The following TIAM2 variants were observed in gnomAD, a reference collection of about 807,000 sequenced individuals.
TIAM2 encodes the protein TIAM Rac1 associated GEF 2.
A neutral mutation model predicts 152.9 loss-of-function variants in TIAM2; 80 were observed. The observed-to-expected ratio is 0.52, with a 90% CI of 0.44 to 0.63. The LOEUF (loss-of-function observed/expected upper bound fraction) is 0.63. Ranked by LOEUF, TIAM2 falls within the 30% of genes least tolerant of loss-of-function variation. The pLI, the probability that TIAM2 is intolerant of heterozygous loss-of-function variation, is 0.00. For synonymous variants in TIAM2, 804 were observed against 838.0 expected (o/e 0.96, Z 0.70); for missense variants, 1,965 against 2,120.1 (o/e 0.93, Z 1.44).
intron 1 of TIAM2, among the ~76,000 whole-genome samples, chr6:155,089,192 G>A (rs986480470): frequency 5.3e-5 from 8 of 151,242 alleles, no homozygotes; most frequent in Admixed American, 1.3e-4. Flanking sequence ...TAATAGGAGA[G>A]GATCCAGAAA....
At chr6:155,234,226 T>C (rs1248431273) in intron 15 of TIAM2, among the ~76,000 whole-genome samples, 1 of 152,196 alleles carries the variant, frequency 6.6e-6, no homozygotes, top group African/African-American at 2.4e-5. Flanking sequence ...TTTTTTATTC[T>C]GCATATGCAC....
chr6:155,164,653 C>T (rs1413586558), intron 8 of TIAM2, 53 bp downstream of exon 8: 5 of 1,555,724 alleles, frequency 3.2e-6, no homozygotes, highest in African/African-American at 1.4e-5. Flanking sequence ...GCTGCGGATG[C>T]TCCCCCTTTC....
In TIAM2 at chr6:155,214,068, C is replaced by T. The variant is rs759781681; in HGVS notation, c.3168+2761C>T. Among the ~76,000 whole-genome samples, 9 of 152,212 alleles carry T rather than the reference C, an allele frequency of 5.9e-5. No individual in the cohort carries two copies. Among genetic ancestry groups the T allele is most frequent in the Non-Finnish European group, 7.4e-5 (5 of 68,026 alleles). On this transcript the variant is annotated intron_variant, in intron 15 of 26. Transcript: ENST00000682666. This position sits in a 1 kb window ranked among gnomAD's most constrained non-coding sequence, Gnocchi z 5.4. ...GGCGGGGCTCCTTCCTGCTCCTGGC[C>T]CCCAAGAACACAGGGATGTCTGGGT...
intron 1 of TIAM2, among the ~76,000 whole-genome samples, chr6:155,023,485 T>A (rs1473115011): frequency 6.6e-6 from 1 of 152,200 alleles, no homozygotes; most frequent in African/African-American, 2.4e-5. Flanking sequence ...GAGAATGGGA[T>A]CTAGTGCCTG....
intron 1 of TIAM2, among the ~76,000 whole-genome samples, chr6:155,047,186 C>CT (rs1562299898): frequency 6.6e-6 from 1 of 152,048 alleles, no homozygotes; most frequent in Non-Finnish European, 1.5e-5. Context: ...TTTTATTTTA[C>CT]TTTTTTGAGA....
At chr6:155,168,112 G>A (rs1780490172) in intron 9 of TIAM2, among the ~76,000 whole-genome samples, 1 of 152,086 alleles carries the variant, frequency 6.6e-6, no homozygotes, top group African/African-American at 2.4e-5. Context: ...GTATTTCTAA[G>A]TGTTTATATT....
chr6:155,136,095 G>A (rs1179616397), intron 4 of TIAM2, among the ~76,000 whole-genome samples: 6 of 150,446 alleles, frequency 4.0e-5, no homozygotes, highest in Non-Finnish European at 7.4e-5. Flanking sequence ...TTGGGAGGCC[G>A]AGGCAGGAGA....
chr6:155,098,482 C>T (rs112597647), intron 2 of TIAM2, among the ~76,000 whole-genome samples: 4 of 152,052 alleles, frequency 2.6e-5, no homozygotes, highest in Non-Finnish European at 4.4e-5. Flanking sequence ...TCATATTGTT[C>T]GCTGTTGGCA....
chr6:155,113,850 T>C (rs1018298267), intron 2 of TIAM2, among the ~76,000 whole-genome samples: 1 of 151,876 alleles, frequency 6.6e-6, no homozygotes, highest in Non-Finnish European at 1.5e-5. Flanking sequence ...GGCTTAGAAC[T>C]GTCTAGCAAA....
At position 155,240,466 on chromosome 6, in the gene TIAM2, G is replaced by A. The variant is rs928428755; in HGVS notation, c.3169-64G>A. The A allele has an allele frequency of 1.6e-5, 24 of 1,506,740 alleles. No homozygotes were observed. In the Admixed American group the frequency reaches 2.4e-4, roughly 15 times the overall value. The allele number at this position is 1,506,740 out of a possible 1,614,324, so 93.3% of individuals were successfully genotyped here. ...ACAGACGGAGACACTTGGTGCCCTT[G>A]GGGGCAGCGGATACTATCAGGGAGA... On this transcript the variant is annotated intron_variant, in intron 15 of 26. Coordinates refer to ENST00000682666, the MANE Select transcript of TIAM2 (RefSeq NM_012454.4).
intron 1 of TIAM2, among the ~76,000 whole-genome samples, chr6:155,073,768 A>G (rs1777895787): frequency 6.6e-6 from 1 of 152,222 alleles, no homozygotes; most frequent in Admixed American, 6.5e-5. Context: ...CTTCAAACGT[A>G]ACATTTTCCT....
intron 1 of TIAM2, among the ~76,000 whole-genome samples, chr6:155,021,592 A>G (rs145133669): frequency 1.3e-5 from 2 of 152,106 alleles, no homozygotes; most frequent in East Asian, 1.9e-4. Flanking sequence ...TTGAAAAACC[A>G]CTATGTTGTT....
chr6:155,049,729 G>A (rs1777278838), intron 1 of TIAM2, among the ~76,000 whole-genome samples: 1 of 152,156 alleles, frequency 6.6e-6, no homozygotes. Flanking sequence ...AAGGAAAATA[G>A]GGTAGTTGAC....
chr6:155,005,102 G>T, intron 1 of TIAM2: 1 of 276,172 alleles, frequency 3.6e-6, no homozygotes. Flanking sequence ...ATGGAGGTCA[G>T]GTTGCCCAAG....
At chr6:155,035,064 TAAG>T (rs934343274) in intron 1 of TIAM2, among the ~76,000 whole-genome samples, 3 of 152,144 alleles carry the variant, frequency 2.0e-5, no homozygotes, top group African/African-American at 7.2e-5. Context: ...CTTTCACAGT[TAAG>T]GAGGAAAAGG....
intron 14 of TIAM2, among the ~76,000 whole-genome samples, chr6:155,194,986 G>T (rs1452644224): frequency 6.6e-6 from 1 of 152,088 alleles, no homozygotes; most frequent in Non-Finnish European, 1.5e-5. Flanking sequence ...ACATGTTTGC[G>T]TCCCCTTCCA....
chr6:154,999,183 A>G (rs1390816425), intron 1 of TIAM2, among the ~76,000 whole-genome samples: 1 of 149,636 alleles, frequency 6.7e-6, no homozygotes, highest in Non-Finnish European at 1.5e-5. Context: ...ATTCAAAGAC[A>G]TTTGATATGC....
rs547599558 is a variant in TIAM2 at position 155,229,416 on chromosome 6, A to G, written c.3169-11114A>G. Reference sequence around the variant, plus strand: ...GCCCTGGCCTTTGTGGAATCCTTGTACTATGCTAAGTATTTTTACACTGAA... The same window carrying G: ...GCCCTGGCCTTTGTGGAATCCTTGTGCTATGCTAAGTATTTTTACACTGAA... On this transcript the variant is annotated intron_variant, in intron 15 of 26. Transcript: ENST00000682666. Among the ~76,000 whole-genome samples the G allele has an allele frequency of 2.0e-5, 3 of 152,324 alleles. No homozygotes were observed. The East Asian group carries it at 5.8e-4, about 29-fold the overall frequency.
At chr6:155,027,008 A>G (rs1048370822) in intron 1 of TIAM2, among the ~76,000 whole-genome samples, 4 of 151,958 alleles carry the variant, frequency 2.6e-5, no homozygotes, top group Non-Finnish European at 4.4e-5. Flanking sequence ...GACTTTGAAT[A>G]TTTCTGTTCA....
Sources: gnomAD v4.1 joint callset for allele counts (sites outside exome capture counted in the v4.1 genomes callset) on GRCh38, gnomAD v4.1.1 for gene constraint, Gnocchi (gnomAD v3.1) non-coding constraint, MANE v1.5 for transcripts, NCBI Gene and HGNC (gene_info 2026-07-23, HGNC 2026-07-21) for gene names.